SIPA1L3: variants seen among roughly 807,000 people sequenced by gnomAD.
The protein encoded by SIPA1L3 is signal induced proliferation associated 1 like 3.
A neutral mutation model predicts 150.1 loss-of-function variants in SIPA1L3; 59 were observed. The observed-to-expected ratio is 0.39, with a 90% CI of 0.32 to 0.49. The LOEUF (loss-of-function observed/expected upper bound fraction) is 0.49. Among genes scored for constraint, SIPA1L3 ranks in the 20% least tolerant of loss-of-function variants. The pLI is 0.86. For synonymous variants in SIPA1L3, 1,070 were observed against 1,077.6 expected (o/e 0.99, Z 0.14); for missense variants, 2,211 against 2,489.5 (o/e 0.89, Z 2.38).
intron 6 of SIPA1L3, among the ~76,000 whole-genome samples, chr19:38,104,128 G>A (rs533831655): frequency 3.9e-5 from 6 of 151,976 alleles, no homozygotes; most frequent in Admixed American, 2.6e-4. Context: ...CCCACACCTC[G>A]CCAAGACTCG....
Position 38,189,934 on chromosome 19 carries a change from C to T in SIPA1L3, c.4431-2211C>T, listed in dbSNP as rs76039612. 1.9e-4 allele frequency among the ~76,000 whole-genome samples: 29 copies of T among 152,222 alleles called. No individual in the cohort carries two copies. The East Asian group carries it at 4.8e-3, about 25-fold the overall frequency. On this transcript the variant is annotated intron_variant, in intron 16 of 21. Coordinates refer to ENST00000222345, the MANE Select transcript of SIPA1L3 (RefSeq NM_015073.3). ...CGTCGTATCTGGGATTGCCTCTGCA[C>T]GCCATGTGGATCTGCCATGCGTCTC...
chr19:38,009,175 C>T (rs909748748), intron 1 of SIPA1L3, among the ~76,000 whole-genome samples: 1 of 152,080 alleles, frequency 6.6e-6, no homozygotes, highest in East Asian at 1.9e-4. Flanking sequence ...GCTGGGATTA[C>T]AGGTGCCTGC....
chr19:37,947,725 A>G (rs1173150087), intron 1 of SIPA1L3, among the ~76,000 whole-genome samples: 1 of 152,210 alleles, frequency 6.6e-6, no homozygotes, highest in African/African-American at 2.4e-5. Context: ...TTCTTGCGTG[A>G]CATTTCACAG....
chr19:37,930,309 G>A (rs979306441), intron 1 of SIPA1L3, among the ~76,000 whole-genome samples: 3 of 151,892 alleles, frequency 2.0e-5, no homozygotes, highest in Admixed American at 6.6e-5. Context: ...ACCGTGCCCA[G>A]CCCATGCCTG....
chr19:37,948,480 A>G (rs2046732734), intron 1 of SIPA1L3, among the ~76,000 whole-genome samples: 1 of 152,030 alleles, frequency 6.6e-6, no homozygotes, highest in Non-Finnish European at 1.5e-5. Context: ...AAAAAGAAAA[A>G]AAAAAAAAGA....
At chr19:38,129,551 G>A (rs1224080487) in intron 9 of SIPA1L3, among the ~76,000 whole-genome samples, 5 of 151,818 alleles carry the variant, frequency 3.3e-5, no homozygotes, top group African/African-American at 1.2e-4. Flanking sequence ...CTTGAACCCG[G>A]GAGGCGGAGG....
At chr19:37,975,519 G>A (rs1368273492) in intron 1 of SIPA1L3, among the ~76,000 whole-genome samples, 1 of 152,196 alleles carries the variant, frequency 6.6e-6, no homozygotes, top group Non-Finnish European at 1.5e-5. Flanking sequence ...TAAGATGGGA[G>A]TGATATTGGT....
intron 1 of SIPA1L3, among the ~76,000 whole-genome samples, chr19:37,957,557 TTCTTTTTTC>T (rs758187453): frequency 6.6e-5 from 10 of 150,468 alleles, no homozygotes; most frequent in African/African-American, 9.7e-5. Context: ...TTTCTTTTTT[TTCTTTTTTC>T]TTTTCTTTTG....
At chr19:37,922,529 G>T (rs2046465575) in intron 1 of SIPA1L3, among the ~76,000 whole-genome samples, 1 of 151,926 alleles carries the variant, frequency 6.6e-6, no homozygotes, top group Non-Finnish European at 1.5e-5. Flanking sequence ...GAGTAGCTGG[G>T]ACTACAGGTA....
chr19:37,918,945 T>G (rs995189586), intron 1 of SIPA1L3, among the ~76,000 whole-genome samples: 6 of 152,026 alleles, frequency 3.9e-5, no homozygotes, highest in Admixed American at 1.3e-4. Context: ...ACATGAAACC[T>G]GTTGTGTCGC....
At chr19:38,140,186 T>C (rs1378332303) in intron 10 of SIPA1L3, among the ~76,000 whole-genome samples, 1 of 152,204 alleles carries the variant, frequency 6.6e-6, no homozygotes, top group Non-Finnish European at 1.5e-5. Context: ...TGAAGGCTCC[T>C]CTGAGCTCAG....
chr19:38,176,297 G>A (rs1357892878), intron 15 of SIPA1L3, among the ~76,000 whole-genome samples: 1 of 152,026 alleles, frequency 6.6e-6, no homozygotes, highest in African/African-American at 2.4e-5. Flanking sequence ...ACAGGCGTAA[G>A]CCACTGCACC....
In SIPA1L3 at chr19:37,918,406, C is replaced by T. The variant is rs187050415; in HGVS notation, c.-379+11048C>T. Reference sequence around the variant, plus strand: ...TCCCGATTAGCTGGGACTACAGGTGCGCGCCACCACACCTAGCTAATTTTT... The same window carrying T: ...TCCCGATTAGCTGGGACTACAGGTGTGCGCCACCACACCTAGCTAATTTTT... On this transcript the variant is annotated intron_variant, in intron 1 of 21. Transcript: ENST00000222345. Among the ~76,000 whole-genome samples the T allele has an allele frequency of 4.3e-3, 659 of 151,846 alleles. 1 individual carries two copies. Among genetic ancestry groups the T allele is most frequent in the Admixed American group, 9.7e-3 (148 of 15,272 alleles).
At chr19:38,010,032 T>C (rs1305342973) in intron 1 of SIPA1L3, among the ~76,000 whole-genome samples, 1 of 152,098 alleles carries the variant, frequency 6.6e-6, no homozygotes, top group Admixed American at 6.5e-5. Context: ...ACACTCCCTA[T>C]CTCTCTTAAT....
At chr19:38,004,024 GGGATGT>G (rs1967876478) in intron 1 of SIPA1L3, among the ~76,000 whole-genome samples, 1 of 152,146 alleles carries the variant, frequency 6.6e-6, no homozygotes, top group South Asian at 2.1e-4. Flanking sequence ...AGACAGGGGA[GGGATGT>G]GGCTGATTGC....
chr19:37,935,765 G>A (rs985372763), intron 1 of SIPA1L3, among the ~76,000 whole-genome samples: 6 of 152,174 alleles, frequency 3.9e-5, no homozygotes, highest in Non-Finnish European at 7.3e-5. Flanking sequence ...GCTTTTGTGA[G>A]CCTTCTTAAG....
At chr19:38,000,674 C>T (rs1185457510) in intron 1 of SIPA1L3, among the ~76,000 whole-genome samples, 3 of 132,650 alleles carry the variant, frequency 2.3e-5, no homozygotes, top group East Asian at 2.1e-4. Flanking sequence ...GGGCAAAAGA[C>T]TTTTTTTTTT....
In SIPA1L3 at chr19:38,071,249, C is replaced by G. The variant is rs1306114573; in HGVS notation, c.-310-10007C>G. Among the ~76,000 whole-genome samples the G allele has an allele frequency of 2.0e-5, 3 of 152,014 alleles. No homozygotes were observed. The East Asian group carries it at 5.8e-4, about 29-fold the overall frequency. Reference sequence around the variant, plus strand: ...TCTATCTATCTATCTATCTATCTATCTATCTATCTATCTATCTGCCTGCCT... The same window carrying G: ...TCTATCTATCTATCTATCTATCTATGTATCTATCTATCTATCTGCCTGCCT... On this transcript the variant is annotated intron_variant, in intron 2 of 21. Transcript: ENST00000222345.
intron 1 of SIPA1L3, among the ~76,000 whole-genome samples, chr19:37,957,354 G>A (rs542797542): frequency 6.6e-6 from 1 of 152,278 alleles, no homozygotes; most frequent in African/African-American, 2.4e-5. Context: ...GACTCTACAT[G>A]TCAATATGGT....
Sources: gnomAD v4.1 joint callset for allele counts (sites outside exome capture counted in the v4.1 genomes callset) on GRCh38, gnomAD v4.1.1 for gene constraint, MANE v1.5 for transcripts, NCBI Gene and HGNC (gene_info 2026-07-23, HGNC 2026-07-21) for gene names.